Variants in SINHCAF observed in about 807,000 individuals in gnomAD.
SINHCAF encodes the protein SIN3-HDAC complex-associated factor.
Under a neutral mutation model 25.8 loss-of-function variants are expected in SINHCAF, and 3 were observed. That is an observed-to-expected ratio of 0.12 (90% CI 0.05 to 0.30). The LOEUF (loss-of-function observed/expected upper bound fraction) is 0.30. Ranked by LOEUF, SINHCAF falls within the 10% of genes least tolerant of loss-of-function variation. SINHCAF has a pLI of 1.00. For synonymous variants in SINHCAF, 70 were observed against 85.5 expected (o/e 0.82, Z 1.00); for missense variants, 121 against 262.3 (o/e 0.46, Z 3.72).
chr12:31,306,804 T>C (rs1195034280), intron 1 of SINHCAF, among the ~76,000 whole-genome samples: 2 of 152,218 alleles, frequency 1.3e-5, no homozygotes, highest in Non-Finnish European at 2.9e-5. Flanking sequence ...TCCAAAGTCA[T>C]GAGCACCATC....
At chr12:31,307,347 G>A (rs1939072370) in intron 1 of SINHCAF, among the ~76,000 whole-genome samples, 1 of 152,140 alleles carries the variant, frequency 6.6e-6, no homozygotes, top group South Asian at 2.1e-4. Context: ...CTTGAGCCCA[G>A]GAGTTTGAGA....
At chr12:31,309,561 T>A (rs1939177351) in intron 1 of SINHCAF, among the ~76,000 whole-genome samples, 1 of 152,192 alleles carries the variant, frequency 6.6e-6, no homozygotes, top group Admixed American at 6.5e-5. Flanking sequence ...AGTTGAAGTT[T>A]AAAAGGAGCC....
intron 1 of SINHCAF, among the ~76,000 whole-genome samples, chr12:31,322,215 T>A (rs1592995375): frequency 6.6e-6 from 1 of 152,134 alleles, no homozygotes; most frequent in Non-Finnish European, 1.5e-5. Context: ...ATAATCCAAA[T>A]CTCTGTTTTA....
chr12:31,281,408 A>C lies in SINHCAF; in HGVS notation c.*1304T>G, dbSNP rs1370934478. On this transcript the variant is annotated 3_prime_UTR_variant, in exon 6 of 6. Transcript: ENST00000337682. ...TTTTAATACAGAGTGAAAGAAAATA[A>C]AAATTTAATAGGCTAAAACAAGTCA... The C allele has an allele frequency of 6.6e-6, 1 of 152,270 alleles. No homozygotes were observed. The highest frequency in any genetic ancestry group is 6.5e-5 in the Admixed American group (1 of 15,292). The allele number at this position is 152,270 out of a possible 1,614,324, so 9.4% of individuals were successfully genotyped here.
At chr12:31,282,955 G>A in intron 5 of SINHCAF, 84 bp from the exon 6 acceptor site, 1 of 1,014,888 alleles carries the variant, frequency 9.9e-7, no homozygotes, top group Non-Finnish European at 1.4e-6. Context: ...ATTATAACTA[G>A]TCCAATATAA....
intron 1 of SINHCAF, chr12:31,302,797 G>T: frequency 3.1e-6 from 1 of 327,572 alleles, no homozygotes; most frequent in Non-Finnish European, 4.4e-6. Flanking sequence ...AGGGTCTGGC[G>T]GAAGGATGAT....
Position 31,287,791 on chromosome 12 carries a change from T to A in SINHCAF, c.356-7A>T, listed in dbSNP as rs746176281. ...GTACTGTGAGCATCAGAATCTGCAA[T>A]AAAGATTAAGAGAAAAAATAAAATT... On this transcript the variant is annotated splice_region_variant and splice_polypyrimidine_tract_variant and intron_variant, in intron 4 of 5. Transcript: ENST00000337682. The A allele has an allele frequency of 7.6e-6, 12 of 1,570,896 alleles. No individual in the cohort carries two copies. The highest frequency in any genetic ancestry group is 4.8e-5 in the South Asian group (4 of 83,312).
chr12:31,320,765 A>G (rs1419562606), intron 1 of SINHCAF, among the ~76,000 whole-genome samples: 3 of 152,020 alleles, frequency 2.0e-5, no homozygotes, highest in Non-Finnish European at 4.4e-5. Context: ...CTTTTGCAGG[A>G]AAAAAAACCT....
rs1289034680 is a variant in SINHCAF, at chr12:31,324,995, G to T, written c.-21+1029C>A. 1 of 456,788 alleles carries T rather than the reference G, an allele frequency of 2.2e-6. No homozygotes were observed. Among genetic ancestry groups the T allele is most frequent in the Non-Finnish European group, 4.4e-6 (1 of 226,986 alleles). The allele number at this position is 456,788 out of a possible 1,614,324, so 28.3% of individuals were successfully genotyped here. On this transcript the variant is annotated intron_variant, in intron 1 of 5. Transcript: ENST00000337682. The surrounding 1 kb of genome is among the most constrained non-coding windows in gnomAD (Gnocchi z 5.5). ...GCGGCCGCATCCCACGGCTCACGCG[G>T]GGCTGGACATTCGGACAAGGACCAG...
At chr12:31,297,574 G>C (rs1938602456) in intron 2 of SINHCAF, among the ~76,000 whole-genome samples, 1 of 148,452 alleles carries the variant, frequency 6.7e-6, no homozygotes, top group Non-Finnish European at 1.5e-5. Flanking sequence ...CTGGGTTCAA[G>C]TGATTCTCCT....
chr12:31,290,267 G>A (rs193168407), intron 4 of SINHCAF, among the ~76,000 whole-genome samples: 42 of 151,834 alleles, frequency 2.8e-4, no homozygotes, highest in Admixed American at 9.2e-4. Context: ...TCAGCCTCTC[G>A]AGTAGCTACA....
intron 4 of SINHCAF, among the ~76,000 whole-genome samples, chr12:31,292,778 TGTTGAG>T (rs1322705427): frequency 2.6e-5 from 4 of 152,184 alleles, no homozygotes; most frequent in Non-Finnish European, 5.9e-5. Context: ...GCTCAAAAAA[TGTTGAG>T]TTCTCCTGCA....
At chr12:31,299,008 C>T (rs534528320) in intron 1 of SINHCAF, among the ~76,000 whole-genome samples, 13 of 149,730 alleles carry the variant, frequency 8.7e-5, no homozygotes, top group Non-Finnish European at 1.8e-4. Flanking sequence ...GTCCCAGAGA[C>T]GTAGAGTGAA....
intron 1 of SINHCAF, chr12:31,303,874 A>T (rs1282771951): frequency 1.3e-5 from 2 of 152,174 alleles, no homozygotes; most frequent in Non-Finnish European, 2.9e-5. Flanking sequence ...CATTGAGAAG[A>T]TCAGTAGTTT....
chr12:31,298,487 G>T (rs1592968710), intron 1 of SINHCAF: 1 of 375,620 alleles, frequency 2.7e-6, no homozygotes, highest in African/African-American at 2.0e-5. Flanking sequence ...ATCTAAAAAT[G>T]GGGAAGAGAA....
chr12:31,306,508 C>G (rs748584154), intron 1 of SINHCAF, among the ~76,000 whole-genome samples: 8 of 152,172 alleles, frequency 5.3e-5, no homozygotes, highest in South Asian at 2.1e-4. Flanking sequence ...AGTACCCCCC[C>G]CTTTTGTTTC....
intron 1 of SINHCAF, among the ~76,000 whole-genome samples, chr12:31,314,676 A>C (rs946218303): frequency 5.3e-5 from 8 of 152,200 alleles, no homozygotes; most frequent in Admixed American, 3.9e-4. Flanking sequence ...GCATTCTATA[A>C]GGAAGAAAGA....
chr12:31,301,082 G>C (rs1298548555), intron 1 of SINHCAF, among the ~76,000 whole-genome samples: 1 of 152,202 alleles, frequency 6.6e-6, no homozygotes, highest in Non-Finnish European at 1.5e-5. Flanking sequence ...CCTTCACTGA[G>C]GTTGGATTTG....
chr12:31,323,944 C>T (rs891172338), intron 1 of SINHCAF: 1 of 455,810 alleles, frequency 2.2e-6, no homozygotes, highest in Non-Finnish European at 4.4e-6. Flanking sequence ...GGGTCCCCAC[C>T]TTCCGTAAAT....
Sources: gnomAD v4.1 joint callset for allele counts (sites outside exome capture counted in the v4.1 genomes callset) on GRCh38, gnomAD v4.1.1 for gene constraint, Gnocchi (gnomAD v3.1) non-coding constraint, MANE v1.5 for transcripts, NCBI Gene and HGNC (gene_info 2026-07-23, HGNC 2026-07-21) for gene names.